The following MCTP1 variants were observed in gnomAD, a reference collection of about 807,000 sequenced individuals.
MCTP1 encodes multiple C2 and transmembrane domain-containing protein 1.
Under a neutral mutation model 120.6 loss-of-function variants are expected in MCTP1, and 69 were observed. The observed-to-expected ratio is 0.57, with a 90% CI of 0.47 to 0.70. The LOEUF (loss-of-function observed/expected upper bound fraction) is 0.70. MCTP1 is among the 30% of genes least tolerant of loss of function. MCTP1 has a pLI of 0.00. For missense variants in MCTP1, 1,203 were observed against 1,248.8 expected (o/e 0.96, Z 0.55); for synonymous variants, 529 against 493.1 (o/e 1.07, Z -0.96).
chr5:94,764,263 C>T (rs1274585497), intron 19 of MCTP1, among the ~76,000 whole-genome samples: 1 of 152,194 alleles, frequency 6.6e-6, no homozygotes, highest in East Asian at 1.9e-4. Flanking sequence ...CAGACGCCAT[C>T]AAAGGTAAAA....
chr5:94,965,880 T>A (rs1825471544), intron 2 of MCTP1, among the ~76,000 whole-genome samples: 1 of 152,158 alleles, frequency 6.6e-6, no homozygotes, highest in Admixed American at 6.5e-5. Context: ...CACAATGTTT[T>A]TTCCTTTCCA....
chr5:95,045,252 C>T (rs1842968476), intron 1 of MCTP1, among the ~76,000 whole-genome samples: 2 of 152,198 alleles, frequency 1.3e-5, no homozygotes, highest in Admixed American at 6.5e-5. Context: ...CTCCAAGAAG[C>T]CTTCCCTCAT....
chr5:94,990,738 A>G (rs955295135), intron 2 of MCTP1, among the ~76,000 whole-genome samples: 7 of 152,216 alleles, frequency 4.6e-5, no homozygotes, highest in Non-Finnish European at 1.0e-4. Flanking sequence ...GGATCATTAG[A>G]GGTCATTTTA....
intron 1 of MCTP1, among the ~76,000 whole-genome samples, chr5:95,210,233 A>G (rs1752176680): frequency 6.6e-6 from 1 of 152,012 alleles, no homozygotes; most frequent in Non-Finnish European, 1.5e-5. Flanking sequence ...GTATCCTTTT[A>G]ACTTTCTGTC....
chr5:95,283,734 GAATT>G, intron 1 of MCTP1, 118 bp downstream of exon 1: 1 of 710,464 alleles, frequency 1.4e-6, no homozygotes, highest in Non-Finnish European at 2.0e-6. Flanking sequence ...CATCTACTTA[GAATT>G]AATAGCATTT....
At chr5:95,139,356 C>T (rs1759716543) in intron 1 of MCTP1, among the ~76,000 whole-genome samples, 1 of 152,164 alleles carries the variant, frequency 6.6e-6, no homozygotes, top group South Asian at 2.1e-4. Context: ...TATTTGCATG[C>T]TTTTCTTTCC....
At chr5:95,151,793 T>C (rs973400158) in intron 1 of MCTP1, among the ~76,000 whole-genome samples, 1 of 152,214 alleles carries the variant, frequency 6.6e-6, no homozygotes, top group African/African-American at 2.4e-5. Flanking sequence ...AGTGGTCTCT[T>C]ACTTTGGCAT....
intron 10 of MCTP1, among the ~76,000 whole-genome samples, chr5:94,900,398 G>A (rs1682810658): frequency 6.6e-6 from 1 of 152,204 alleles, no homozygotes; most frequent in Non-Finnish European, 1.5e-5. Flanking sequence ...CTATGGACAA[G>A]GAAATGGAGG....
intron 1 of MCTP1, among the ~76,000 whole-genome samples, chr5:95,211,042 C>G (rs1752303325): frequency 6.6e-6 from 1 of 152,102 alleles, no homozygotes; most frequent in Non-Finnish European, 1.5e-5. Context: ...GCCGAGAGAT[C>G]CACTGTTAGT....
At chr5:95,084,419 G>T (rs1327987161) in intron 1 of MCTP1, among the ~76,000 whole-genome samples, 1 of 151,918 alleles carries the variant, frequency 6.6e-6, no homozygotes. Flanking sequence ...TTTTCAGTCT[G>T]GTTAAAGTGA....
chr5:94,735,329 G>T (rs946439879), intron 19 of MCTP1, among the ~76,000 whole-genome samples: 5 of 135,600 alleles, frequency 3.7e-5, no homozygotes, highest in Admixed American at 8.3e-5. Flanking sequence ...TACATTTTTG[G>T]TTTTTGTTTT....
At chr5:95,124,187 T>C (rs546153345) in intron 1 of MCTP1, among the ~76,000 whole-genome samples, 8 of 152,296 alleles carry the variant, frequency 5.3e-5, no homozygotes, top group Middle Eastern at 3.4e-3. Flanking sequence ...AGATCTCAGA[T>C]AAATGAAGGT....
intron 19 of MCTP1, among the ~76,000 whole-genome samples, chr5:94,770,995 A>G (rs996666598): frequency 6.6e-6 from 1 of 152,224 alleles, no homozygotes; most frequent in Admixed American, 6.5e-5. Context: ...TCAAATGGAT[A>G]TCAAAGATAA....
chr5:94,718,327 G>T (rs1760017306), intron 19 of MCTP1, among the ~76,000 whole-genome samples: 1 of 152,040 alleles, frequency 6.6e-6, no homozygotes, highest in Admixed American at 6.6e-5. Flanking sequence ...ATTGAAACTG[G>T]ACCCCTTTCT....
At chr5:95,042,387 G>A (rs933193653) in intron 1 of MCTP1, among the ~76,000 whole-genome samples, 2 of 152,106 alleles carry the variant, frequency 1.3e-5, no homozygotes, top group African/African-American at 4.8e-5. Flanking sequence ...AGAAAACAGC[G>A]GAAGATGCAG....
chr5:95,227,855 T>C (rs925835561), intron 1 of MCTP1, among the ~76,000 whole-genome samples: 1 of 152,126 alleles, frequency 6.6e-6, no homozygotes, highest in African/African-American at 2.4e-5. Context: ...AAATATAAAG[T>C]ATGTCTCTGC....
intron 7 of MCTP1, among the ~76,000 whole-genome samples, chr5:94,923,689 C>T (rs865967896): frequency 3.0e-4 from 46 of 152,162 alleles, no homozygotes; most frequent in African/African-American, 1.0e-3. Context: ...CTGGAGAGTC[C>T]CTGGGACTCT....
At chr5:95,091,427 A>G (rs571382788) in intron 1 of MCTP1, among the ~76,000 whole-genome samples, 84 of 152,330 alleles carry the variant, frequency 5.5e-4, no homozygotes, top group Middle Eastern at 3.4e-3. Flanking sequence ...CTTGAAACTC[A>G]GATGACTTTT....
chr5:94,750,067 T>G (rs1048247625), intron 19 of MCTP1, among the ~76,000 whole-genome samples: 11 of 152,228 alleles, frequency 7.2e-5, no homozygotes. Context: ...GAGAAGAACT[T>G]GCTGAATGAG....
Sources: allele counts gnomAD v4.1 joint callset (sites outside exome capture counted in the v4.1 genomes callset), GRCh38; gene constraint gnomAD v4.1.1; transcripts MANE v1.5; gene names NCBI Gene and HGNC (gene_info 2026-07-23, HGNC 2026-07-21).